Variants in INO80C observed in about 807,000 individuals in gnomAD.
The protein encoded by INO80C is IES6 homolog.
A neutral mutation model predicts 17.7 loss-of-function variants in INO80C; 17 were observed. The ratio of observed to expected loss-of-function variants is 0.96; its 90% CI spans 0.66 to 1.44. INO80C has a LOEUF of 1.44. INO80C is among the 40% of genes most tolerant of loss of function. The pLI is 0.00. For synonymous variants in INO80C, 96 were observed against 95.8 expected (o/e 1.00, Z -0.01); for missense variants, 244 against 245.0 (o/e 1.00, Z 0.03).
At chr18:35,480,325 G>A in intron 2 of INO80C, 128 bp downstream of exon 2, 1 of 696,640 alleles carries the variant, frequency 1.4e-6, no homozygotes, top group Non-Finnish European at 2.6e-6. Context: ...TTGCCCATAG[G>A]GGAGAAGGAG....
Position 35,468,519 on chromosome 18 carries a change from G to A in INO80C, c.*92C>T. 6.3e-7 allele frequency: 1 copy of A among 1,579,128 alleles called. No individual in the cohort carries two copies. On this transcript the variant is annotated 3_prime_UTR_variant, in exon 5 of 5. Transcript: ENST00000334598. The stretch of plus-strand genomic sequence containing the variant: ...GGCACAGCACTGGCATTTTCAGATT[G>A]ACAGCAGAACGAGTTTGTTTCCGTG...
intron 4 of INO80C, among the ~76,000 whole-genome samples, chr18:35,472,882 TC>T (rs1484924329): frequency 3.3e-5 from 5 of 152,244 alleles, no homozygotes; most frequent in Non-Finnish European, 7.3e-5. Context: ...CCTATTTATA[TC>T]CTTTTTGCTG....
In INO80C at chr18:35,468,375, C is replaced by A; in HGVS notation, c.*236G>T. 7.4e-7 allele frequency: 1 copy of A among 1,357,930 alleles called. No individual in the cohort carries two copies. Among genetic ancestry groups the A allele is most frequent in the South Asian group, 1.7e-5 (1 of 58,056 alleles). 84.1% of individuals were successfully genotyped at this position (1,357,930 alleles called of 1,614,324 possible). ...TTTATTGTATCTTCTTGTCAAACAC[C>A]TTTACTTGAGGCAACAACTGAAGTA... On this transcript the variant is annotated 3_prime_UTR_variant, in exon 5 of 5. Transcript: ENST00000334598.
intron 1 of INO80C, among the ~76,000 whole-genome samples, chr18:35,492,986 T>C (rs1002095342): frequency 6.6e-6 from 1 of 152,202 alleles, no homozygotes; most frequent in Non-Finnish European, 1.5e-5. Flanking sequence ...AATCTTCTAA[T>C]ATACAAAGTA....
intron 1 of INO80C, among the ~76,000 whole-genome samples, chr18:35,493,400 C>G (rs2045950821): frequency 1.3e-5 from 2 of 152,146 alleles, no homozygotes; most frequent in Admixed American, 6.6e-5. Flanking sequence ...AAATATAAAT[C>G]CACAGAATTG....
chr18:35,475,785 G>C (rs1023034180), intron 4 of INO80C, among the ~76,000 whole-genome samples: 12 of 151,974 alleles, frequency 7.9e-5, no homozygotes, highest in Non-Finnish European at 1.3e-4. Flanking sequence ...TGTTCCAGTA[G>C]AAAGAATATG....
Position 35,497,917 on chromosome 18 carries a change from C to T in INO80C, c.-43G>A, listed in dbSNP as rs770849786. 1.3e-6 allele frequency: 2 copies of T among 1,487,384 alleles called. No individual in the cohort carries two copies. The highest frequency in any genetic ancestry group is 2.4e-5 in the Admixed American group (1 of 41,524). 92.1% of individuals were successfully genotyped at this position (1,487,384 alleles called of 1,614,324 possible). On this transcript the variant is annotated 5_prime_UTR_variant, in exon 1 of 5. Coordinates refer to ENST00000334598, the MANE Select transcript of INO80C (RefSeq NM_194281.4). ...CCTGGTCCCCCCACCTTTTTCCCAGCGCGGGCCTTGGAACTTCCTTTCCGC... is the reference window on the plus strand; with the variant it reads ...CCTGGTCCCCCCACCTTTTTCCCAGTGCGGGCCTTGGAACTTCCTTTCCGC...
Position 35,473,867 on chromosome 18 carries a change from C to T in INO80C, c.447+4415G>A, listed in dbSNP as rs1192674260. Among the ~76,000 whole-genome samples the T allele has an allele frequency of 2.0e-5, 3 of 152,070 alleles. No individual in the cohort carries two copies. In the East Asian group the frequency reaches 5.8e-4, roughly 29 times the overall value. On this transcript the variant is annotated intron_variant, in intron 4 of 4. Transcript: ENST00000334598. ...AACTAAGTTAAAGGAGCTTGGGAAA[C>T]ATCATGGGCTTTCTGCAGACCTGTC...
intron 1 of INO80C, 150 bp downstream of exon 1, chr18:35,497,569 T>C (rs1021833572): frequency 5.8e-5 from 82 of 1,417,522 alleles, no homozygotes; most frequent in Non-Finnish European, 7.4e-5. Context: ...AGGGAAAGAG[T>C]AGTCATTCAC....
chr18:35,481,761 G>A (rs2045811280), intron 1 of INO80C, among the ~76,000 whole-genome samples: 1 of 152,188 alleles, frequency 6.6e-6, no homozygotes, highest in Admixed American at 6.5e-5. Context: ...ATGTGTGCCT[G>A]TAGACCCAGC....
chr18:35,477,442 T>C (rs953623148), intron 4 of INO80C, among the ~76,000 whole-genome samples: 3 of 152,200 alleles, frequency 2.0e-5, no homozygotes, highest in Non-Finnish European at 4.4e-5. Context: ...GTTAGATAAG[T>C]TGGAGTCATA....
Position 35,479,426 on chromosome 18 carries a change from A to G in INO80C, c.268-15T>C, listed in dbSNP as rs1409351830. 2 of 1,567,168 alleles carry G rather than the reference A, an allele frequency of 1.3e-6. No individual in the cohort carries two copies. On this transcript the variant is annotated splice_polypyrimidine_tract_variant and intron_variant, in intron 2 of 4. Transcript: ENST00000334598. Reference sequence around the variant, plus strand: ...TGGCCAGAGTGCTTGAATTGAAGGCATGGATTAGAAGAAACAAAAACCAAT... The same window carrying G: ...TGGCCAGAGTGCTTGAATTGAAGGCGTGGATTAGAAGAAACAAAAACCAAT...
rs1028860374 is a variant in INO80C at position 35,495,096 on chromosome 18, G to A, written c.156+2623C>T. ...TATGCCTGCTTATTTCCTATACGCT[G>A]TGAAAAGGGAACTAGAATGAAAGGA... On this transcript the variant is annotated intron_variant, in intron 1 of 4. Coordinates refer to ENST00000334598, the MANE Select transcript of INO80C (RefSeq NM_194281.4). Among the ~76,000 whole-genome samples, 4 of 152,202 alleles carry A rather than the reference G, an allele frequency of 2.6e-5. No homozygotes were observed. The East Asian group carries it at 5.8e-4, about 22-fold the overall frequency.
intron 1 of INO80C, among the ~76,000 whole-genome samples, chr18:35,482,762 G>A (rs975563211): frequency 6.6e-5 from 10 of 151,272 alleles, no homozygotes; most frequent in East Asian, 1.9e-4. Context: ...CCTCCCTTCC[G>A]CACCCCACTC....
In INO80C at chr18:35,479,375, T is replaced by C; in HGVS notation, c.304A>G (p.Asn102Asp). 2 of 1,614,144 alleles carry C rather than the reference T, an allele frequency of 1.2e-6. No individual in the cohort carries two copies. The highest frequency in any genetic ancestry group is 1.7e-6 in the Non-Finnish European group (2 of 1,180,010). Residue 102 changes from asparagine (N) to aspartate (D), a missense_variant, in exon 3 of 5, where the codon AAC becomes GAC. Physicochemically the swap from Asn to Asp is conservative, Grantham distance 23. Coordinates refer to ENST00000334598, the MANE Select transcript of INO80C (RefSeq NM_194281.4). ...TGTTTCAGGTTCTTCCAGGTTCTGTTCTTCTTGCCAGCTACTGCGCCACCG... is the reference window on the plus strand; with the variant it reads ...TGTTTCAGGTTCTTCCAGGTTCTGTCCTTCTTGCCAGCTACTGCGCCACCG... Reference protein sequence around the residue: ...GHGGAVAGKKNRTWKNLKQIL... With the variant: ...GHGGAVAGKKDRTWKNLKQIL...
intron 1 of INO80C, chr18:35,487,411 A>T: frequency 2.5e-6 from 1 of 397,900 alleles, no homozygotes; most frequent in Non-Finnish European, 4.9e-6. Context: ...GGGAGGCCTC[A>T]CAATCATGGC....
At chr18:35,478,701 C>A (rs1432528189) in intron 3 of INO80C, among the ~76,000 whole-genome samples, 2 of 152,200 alleles carry the variant, frequency 1.3e-5, no homozygotes, top group African/African-American at 4.8e-5. Flanking sequence ...TGGATCTGAG[C>A]ACCCTGACAC....
At chr18:35,492,038 C>A (rs913200739) in intron 1 of INO80C, among the ~76,000 whole-genome samples, 2 of 152,210 alleles carry the variant, frequency 1.3e-5, no homozygotes, top group Non-Finnish European at 2.9e-5. Flanking sequence ...ATGGCTTCAT[C>A]TCTCCAGACA....
At chr18:35,483,070 A>G (rs1781911479) in intron 1 of INO80C, among the ~76,000 whole-genome samples, 1 of 152,146 alleles carries the variant, frequency 6.6e-6, no homozygotes, top group South Asian at 2.1e-4. Context: ...TTTTCTATAC[A>G]GCAAAAAGAG....
Sources: gnomAD v4.1 joint callset for allele counts (sites outside exome capture counted in the v4.1 genomes callset) on GRCh38, gnomAD v4.1.1 for gene constraint, MANE v1.5 for transcripts, NCBI Gene and HGNC (gene_info 2026-07-23, HGNC 2026-07-21) for gene names.